PCDHA8: variants seen among roughly 807,000 people sequenced by gnomAD.
The protein encoded by PCDHA8 is protocadherin alpha 8.
A neutral mutation model predicts 61.8 loss-of-function variants in PCDHA8; 53 were observed. The observed-to-expected ratio is 0.86, with a 90% CI of 0.69 to 1.08. The LOEUF (loss-of-function observed/expected upper bound fraction) is 1.08, where lower values mean the gene tolerates loss of function less well. PCDHA8 is among the 50% of genes least tolerant of loss of function. The pLI is 0.00. For synonymous variants in PCDHA8, 618 were observed against 556.6 expected, an observed-to-expected ratio of 1.11 and a Z score of -1.55; for missense variants, 1,293 against 1,245.0, an observed-to-expected ratio of 1.04 and a Z score of -0.58.
intron 1 of PCDHA8, among the ~76,000 whole-genome samples, chr5:140,844,991 A>G (rs1435563145): frequency 2.0e-5 from 3 of 149,284 alleles, no homozygotes; most frequent in South Asian, 4.3e-4. Flanking sequence ...AAATCTTTTA[A>G]TCACTTATGA....
intron 1 of PCDHA8, among the ~76,000 whole-genome samples, chr5:140,910,353 A>G (rs938677700): frequency 1.1e-4 from 16 of 152,306 alleles, no homozygotes; most frequent in African/African-American, 3.8e-4. Context: ...TCTGCTGTCC[A>G]TTATGGTAGC....
At chr5:140,876,483 G>C in intron 1 of PCDHA8, 1 of 1,614,004 alleles carries the variant, frequency 6.2e-7, no homozygotes, top group Non-Finnish European at 8.5e-7. Context: ...GCATGGTCCT[G>C]GTGGAAGTTC....
intron 1 of PCDHA8, among the ~76,000 whole-genome samples, chr5:140,940,019 T>C (rs1554213082): frequency 6.6e-6 from 1 of 152,230 alleles, no homozygotes; most frequent in East Asian, 1.9e-4. Context: ...TTGTGTCATA[T>C]GTTTTAAGGC....
chr5:140,972,512 C>T (rs1586536091), intron 1 of PCDHA8, among the ~76,000 whole-genome samples: 1 of 152,018 alleles, frequency 6.6e-6, no homozygotes, highest in Non-Finnish European at 1.5e-5. Context: ...GATTTTACCC[C>T]CAGTGAGCTT....
At chr5:140,942,821 G>A (rs2093373988) in intron 1 of PCDHA8, among the ~76,000 whole-genome samples, 1 of 151,968 alleles carries the variant, frequency 6.6e-6, no homozygotes, top group African/African-American at 2.4e-5. Flanking sequence ...GTTGGATTTG[G>A]CCCTGTGTCA....
At chr5:140,865,628 G>A (rs2048940891) in intron 1 of PCDHA8, 1 of 152,162 alleles carries the variant, frequency 6.6e-6, no homozygotes, top group African/African-American at 2.4e-5. Flanking sequence ...TAGACATCAT[G>A]AAGGGACTTA....
intron 1 of PCDHA8, among the ~76,000 whole-genome samples, chr5:140,942,493 C>T (rs1334279065): frequency 1.3e-5 from 2 of 151,366 alleles, no homozygotes; most frequent in Non-Finnish European, 2.9e-5. Context: ...GAAATAAATA[C>T]ATGGTATCTA....
At chr5:140,988,471 G>A (rs1442408975) in intron 3 of PCDHA8, among the ~76,000 whole-genome samples, 1 of 152,078 alleles carries the variant, frequency 6.6e-6, no homozygotes, top group Non-Finnish European at 1.5e-5. Context: ...TGTGGGAAGG[G>A]GAATTAGCAT....
intron 1 of PCDHA8, chr5:140,848,806 T>G (rs2150421063): frequency 1.3e-6 from 2 of 1,591,932 alleles, no homozygotes; most frequent in African/African-American, 2.7e-5. Flanking sequence ...GAGTGCAGCA[T>G]CCACCTGGAG....
intron 1 of PCDHA8, among the ~76,000 whole-genome samples, chr5:140,914,575 A>G (rs2076765762): frequency 2.0e-5 from 3 of 152,018 alleles, no homozygotes; most frequent in African/African-American, 7.2e-5. Context: ...TTTACATTCA[A>G]TAATTTCATT....
At chr5:140,949,171 C>T (rs1554218845) in intron 1 of PCDHA8, among the ~76,000 whole-genome samples, 1 of 151,632 alleles carries the variant, frequency 6.6e-6, no homozygotes, top group Non-Finnish European at 1.5e-5. Flanking sequence ...CTCTTTTGGT[C>T]AGAGAACATA....
At chr5:140,907,287 G>C (rs1179027055) in intron 1 of PCDHA8, among the ~76,000 whole-genome samples, 1 of 152,178 alleles carries the variant, frequency 6.6e-6, no homozygotes, top group Non-Finnish European at 1.5e-5. Flanking sequence ...TATCAATCCA[G>C]CTGCTTCAGG....
At chr5:140,992,038 TG>T (rs2097488764) in intron 3 of PCDHA8, among the ~76,000 whole-genome samples, 1 of 151,828 alleles carries the variant, frequency 6.6e-6, no homozygotes, top group African/African-American at 2.4e-5. Context: ...TGTGTGTGTG[TG>T]TGTGTGTGTG....
chr5:140,843,829 G>T (rs1554140457), intron 1 of PCDHA8, 114 bp downstream of exon 1: 1 of 1,170,122 alleles, frequency 8.5e-7, no homozygotes, highest in African/African-American at 1.5e-5. Flanking sequence ...TTTAAACATT[G>T]TTTAGTTTTT....
At chr5:140,888,108 T>C (rs1554183322) in intron 1 of PCDHA8, among the ~76,000 whole-genome samples, 1 of 152,248 alleles carries the variant, frequency 6.6e-6, no homozygotes, top group Non-Finnish European at 1.5e-5. Flanking sequence ...CTTCTTTTAA[T>C]CTATCTTCTT....
intron 1 of PCDHA8, among the ~76,000 whole-genome samples, chr5:140,970,131 A>G (rs1554232260): frequency 6.6e-6 from 1 of 152,186 alleles, no homozygotes; most frequent in Non-Finnish European, 1.5e-5. Context: ...GAAGGAAGAG[A>G]AGGGAAAAAG....
chr5:140,947,772 G>A (rs77655739), intron 1 of PCDHA8, among the ~76,000 whole-genome samples: 3,551 of 151,528 alleles, frequency 0.023, 49 homozygotes, highest in Middle Eastern at 0.034. Flanking sequence ...AAATTCTATT[G>A]TAAATGGATT....
At chr5:140,893,083 T>C (rs2063812039) in intron 1 of PCDHA8, among the ~76,000 whole-genome samples, 1 of 152,266 alleles carries the variant, frequency 6.6e-6, no homozygotes, top group Non-Finnish European at 1.5e-5. Flanking sequence ...GATTTCATTC[T>C]TTTTTATGGC....
chr5:140,926,181 C>T (rs1298109352), intron 1 of PCDHA8, among the ~76,000 whole-genome samples: 7 of 151,718 alleles, frequency 4.6e-5, no homozygotes, highest in Admixed American at 2.6e-4. Context: ...GCGGAAAGCC[C>T]CCCGCAGCAC....
Sources: allele counts gnomAD v4.1 joint callset (sites outside exome capture counted in the v4.1 genomes callset), GRCh38; gene constraint gnomAD v4.1.1; transcripts MANE v1.5; gene names NCBI Gene and HGNC (gene_info 2026-07-23, HGNC 2026-07-21).